UGT2A3: variants seen among roughly 807,000 people sequenced by gnomAD.
The protein encoded by UGT2A3 is UDP glucuronosyltransferase family 2 member A3.
In UGT2A3, 55 loss-of-function variants were observed where a neutral mutation model predicts 44.1. That is an observed-to-expected ratio of 1.25 (90% CI 1.00 to 1.56). UGT2A3 has a LOEUF of 1.56. Among genes scored for constraint, UGT2A3 ranks in the 40% most tolerant of loss-of-function variants. The probability of loss-of-function intolerance (pLI) is 0.00; values close to 1 mark genes in which losing one functional copy is unlikely to be tolerated. For missense variants in UGT2A3, 733 were observed against 621.6 expected (o/e 1.18, Z -1.91); for synonymous variants, 243 against 215.1 (o/e 1.13, Z -1.13).
Position 68,929,676 on chromosome 4 carries a change from A to G in UGT2A3, c.*137T>C. The G allele has an allele frequency of 1.3e-6, 1 of 793,568 alleles. No homozygotes were observed. Among genetic ancestry groups the G allele is most frequent in the Non-Finnish European group, 2.0e-6 (1 of 502,576 alleles). The allele number at this position is 793,568 out of a possible 1,614,324, so 49.2% of individuals were successfully genotyped here. On this transcript the variant is annotated 3_prime_UTR_variant, in exon 6 of 6. Coordinates refer to ENST00000251566, the MANE Select transcript of UGT2A3 (RefSeq NM_024743.4). The stretch of plus-strand genomic sequence containing the variant: ...AATGAGATATACTCACAACCTCATG[A>G]TCGTGGAATTCTAGGCTATATAGCT...
chr4:68,928,700 AT>A lies in UGT2A3; in HGVS notation c.*1112del, dbSNP rs1313425784. 6.6e-6 allele frequency: 1 copy of A among 151,886 alleles called. No homozygotes were observed. The highest frequency in any genetic ancestry group is 1.5e-5 in the Non-Finnish European group (1 of 67,908). The allele number at this position is 151,886 out of a possible 1,614,324, so 9.4% of individuals were successfully genotyped here. On this transcript the variant is annotated 3_prime_UTR_variant, in exon 6 of 6. Coordinates refer to ENST00000251566, the MANE Select transcript of UGT2A3 (RefSeq NM_024743.4). Reference sequence around the variant, plus strand: ...AGTAAAAAAATGAGAAGATTAACATATTTGCTTATTAGTGTAAACATTATTA... The same window carrying A: ...AGTAAAAAAATGAGAAGATTAACATATTGCTTATTAGTGTAAACATTATTA...
intron 1 of UGT2A3, 36 bp downstream of exon 1, chr4:68,951,010 G>T: frequency 7.2e-7 from 1 of 1,382,148 alleles, no homozygotes; most frequent in South Asian, 1.5e-5. Flanking sequence ...TATTTCTTTT[G>T]ATAACTAAAT....
Position 68,945,361 on chromosome 4 carries a change from G to C in UGT2A3, c.809C>G (p.Pro270Arg). ...CAATCCTCCAACAAACTCAAAGTTA[G>C]GTTGGTATGGTTGAGGAAATTCAAA... ...WDFEFPQPYQPNFEFVGGLHC... is the reference protein window; with the variant it reads ...WDFEFPQPYQRNFEFVGGLHC... The change falls in exon 2 of 6, where the codon CCT (proline) becomes CGT (arginine). Residue 270 changes from proline (P) to arginine (R), a missense_variant. Coordinates refer to ENST00000251566, the MANE Select transcript of UGT2A3 (RefSeq NM_024743.4). The C allele has an allele frequency of 6.2e-7, 1 of 1,611,442 alleles. No individual in the cohort carries two copies. Among genetic ancestry groups the C allele is most frequent in the Non-Finnish European group, 8.5e-7 (1 of 1,178,486 alleles).
intron 1 of UGT2A3, among the ~76,000 whole-genome samples, chr4:68,949,430 A>C (rs1162563819): frequency 6.6e-6 from 1 of 151,878 alleles, no homozygotes. Context: ...TTGCTGTCTT[A>C]TATTGTAACA....
At chr4:68,949,439 C>T (rs775208174) in intron 1 of UGT2A3, among the ~76,000 whole-genome samples, 13 of 151,796 alleles carry the variant, frequency 8.6e-5, no homozygotes, top group Non-Finnish European at 2.9e-5. Context: ...TATATTGTAA[C>T]ACATCAAGGT....
At chr4:68,947,789 T>C (rs1258178749) in intron 1 of UGT2A3, among the ~76,000 whole-genome samples, 2 of 151,802 alleles carry the variant, frequency 1.3e-5, no homozygotes, top group Non-Finnish European at 2.9e-5. Context: ...TTGTTGACCA[T>C]GTGAATTGTC....
At chr4:68,931,672 C>T (rs1717741189) in intron 3 of UGT2A3, among the ~76,000 whole-genome samples, 1 of 151,922 alleles carries the variant, frequency 6.6e-6, no homozygotes, top group Non-Finnish European at 1.5e-5. Flanking sequence ...TTATGTGTGT[C>T]TTTTGGATAA....
At chr4:68,944,922 T>C (rs1044670850) in intron 2 of UGT2A3, among the ~76,000 whole-genome samples, 1 of 151,766 alleles carries the variant, frequency 6.6e-6, no homozygotes, top group African/African-American at 2.4e-5. Flanking sequence ...ATCCAATATG[T>C]CTCATGAAAA....
intron 4 of UGT2A3, among the ~76,000 whole-genome samples, 185 bp downstream of exon 4, chr4:68,930,970 T>C (rs1271394201): frequency 2.0e-5 from 3 of 152,142 alleles, no homozygotes; most frequent in Non-Finnish European, 1.5e-5. Flanking sequence ...TTCCTGTCAC[T>C]CTCACCTTAA....
intron 2 of UGT2A3, 66 bp downstream of exon 2, chr4:68,945,239 GT>G: frequency 6.4e-7 from 1 of 1,571,802 alleles, no homozygotes; most frequent in Admixed American, 1.7e-5. Context: ...AACTAAGGTT[GT>G]AATCTTTCAA....
At chr4:68,934,202 CA>C (rs1717851466) in intron 2 of UGT2A3, among the ~76,000 whole-genome samples, 1 of 151,558 alleles carries the variant, frequency 6.6e-6, no homozygotes, top group Non-Finnish European at 1.5e-5. Context: ...AATAAAAAAA[CA>C]AAAGAAACTT....
intron 1 of UGT2A3, among the ~76,000 whole-genome samples, chr4:68,946,997 C>G (rs1718406508): frequency 6.6e-6 from 1 of 151,492 alleles, no homozygotes. Context: ...TTTATTTTTT[C>G]TGGTGTAGGG....
chr4:68,943,684 C>T (rs1300883929), intron 2 of UGT2A3, among the ~76,000 whole-genome samples: 4 of 151,644 alleles, frequency 2.6e-5, no homozygotes, highest in African/African-American at 7.3e-5. Context: ...ACACTGACAC[C>T]GTTTAAAATC....
At chr4:68,949,768 T>C (rs1400604948) in intron 1 of UGT2A3, among the ~76,000 whole-genome samples, 1 of 151,888 alleles carries the variant, frequency 6.6e-6, no homozygotes, top group Non-Finnish European at 1.5e-5. Context: ...CCTATAGTTG[T>C]TTGAATATAT....
intron 1 of UGT2A3, among the ~76,000 whole-genome samples, chr4:68,950,636 T>G (rs766738778): frequency 6.6e-6 from 1 of 151,876 alleles, no homozygotes; most frequent in Non-Finnish European, 1.5e-5. Context: ...TAGAAAATGT[T>G]CAATTTAATG....
rs141932673 is a variant in UGT2A3, at chr4:68,951,521, T to C, written c.240A>G (p.Pro80=). ...SALKFEVVHM[P]QDRTEENEIF... is the part of the protein sequence containing the mutation. ...TTTCATTTTCTTCTGTTCTGTCCTG[T>C]GGCATATGGACCACCTCAAATTTCA... The change falls in exon 1 of 6, where the codon CCA becomes CCG. Residue 80 remains proline, a synonymous_variant. Coordinates refer to ENST00000251566, the MANE Select transcript of UGT2A3 (RefSeq NM_024743.4). The C allele has an allele frequency of 1.9e-6, 3 of 1,612,854 alleles. No individual in the cohort carries two copies. Among genetic ancestry groups the C allele is most frequent in the African/African-American group, 1.3e-5 (1 of 74,852 alleles).
intron 4 of UGT2A3, 137 bp downstream of exon 4, chr4:68,931,018 C>T: frequency 1.3e-6 from 1 of 778,754 alleles, no homozygotes; most frequent in East Asian, 2.7e-5. Flanking sequence ...TTAGTCAATC[C>T]TTTAATTATA....
At chr4:68,948,699 C>G (rs1387723828) in intron 1 of UGT2A3, among the ~76,000 whole-genome samples, 1 of 151,810 alleles carries the variant, frequency 6.6e-6, no homozygotes, top group Non-Finnish European at 1.5e-5. Context: ...TTTGTATGTA[C>G]ACTGGAGTAG....
At chr4:68,942,661 C>T (rs1718243652) in intron 2 of UGT2A3, among the ~76,000 whole-genome samples, 1 of 150,562 alleles carries the variant, frequency 6.6e-6, no homozygotes, top group Admixed American at 6.7e-5. Flanking sequence ...TGAAATAATC[C>T]AGGCAGAGAT....
Sources: gnomAD v4.1 joint callset for allele counts (sites outside exome capture counted in the v4.1 genomes callset) on GRCh38, gnomAD v4.1.1 for gene constraint, MANE v1.5 for transcripts, NCBI Gene and HGNC (gene_info 2026-07-23, HGNC 2026-07-21) for gene names.